The following TRIM14 variants were observed in gnomAD, a reference collection of about 807,000 sequenced individuals.
TRIM14 encodes tripartite motif-containing protein 14.
TRIM14 carries 28 observed loss-of-function variants against 44.5 expected under a neutral mutation model. The observed-to-expected ratio is 0.63, with a 90% CI of 0.47 to 0.86. The LOEUF is 0.86. Ranked by LOEUF, TRIM14 falls within the 40% of genes least tolerant of loss-of-function variation. The pLI, the probability that TRIM14 is intolerant of heterozygous loss-of-function variation, is 0.00. For synonymous variants in TRIM14, 299 were observed against 269.2 expected, an observed-to-expected ratio of 1.11 and a Z score of -1.08; for missense variants, 607 against 611.1, an observed-to-expected ratio of 0.99 and a Z score of 0.07.
chr9:98,056,709 G>T, the TRIM14 span: 14 of 1,471,276 alleles, frequency 9.5e-6, no homozygotes, highest in Non-Finnish European at 1.1e-5. Flanking sequence ...CGGGGCTGGC[G>T]TGTGGGTCTC....
chr9:98,041,495 CTT>C, the TRIM14 span, among the ~76,000 whole-genome samples: 3 of 145,316 alleles, frequency 2.1e-5, no homozygotes, highest in South Asian at 2.2e-4. Context: ...ATAAGGACAT[CTT>C]TTTTTTTTTT....
At chr9:98,058,779 T>C in the TRIM14 span, among the ~76,000 whole-genome samples, 1 of 152,158 alleles carries the variant, frequency 6.6e-6, no homozygotes, top group East Asian at 1.9e-4. Context: ...TGAGCTGGAA[T>C]CTAGGTGGCT....
At chr9:98,051,319 C>G in the TRIM14 span, among the ~76,000 whole-genome samples, 1 of 152,192 alleles carries the variant, frequency 6.6e-6, no homozygotes, top group Non-Finnish European at 1.5e-5. Context: ...AGTCTACTCG[C>G]TTAACTAAGC....
chr9:98,103,216 C>A (rs895223999), intron 2 of TRIM14, among the ~76,000 whole-genome samples: 35 of 150,166 alleles, frequency 2.3e-4, no homozygotes, highest in African/African-American at 8.1e-4. Context: ...AAAAACAATG[C>A]AGTAGACCTA....
downstream of TRIM14, chr9:98,080,926 C>T: frequency 2.5e-6 from 4 of 1,614,230 alleles, no homozygotes; most frequent in South Asian, 1.1e-5. Context: ...TGGAACGTCA[C>T]ATAACTTTGG....
intron 6 of TRIM14, among the ~76,000 whole-genome samples, chr9:98,079,295 A>T (rs1829739465): frequency 6.6e-6 from 1 of 152,212 alleles, no homozygotes; most frequent in African/African-American, 2.4e-5. Context: ...GAAAATATGT[A>T]TGTAATTATC....
chr9:98,117,598 T>C (rs927525263), intron 1 of TRIM14, among the ~76,000 whole-genome samples: 16 of 152,132 alleles, frequency 1.1e-4, no homozygotes, highest in African/African-American at 3.9e-4. Context: ...CCCGACTGCT[T>C]ATGTCATTTT....
Position 98,078,008 on chromosome 9 carries a change from C to A in TRIM14, c.*29-8321G>T, listed in dbSNP as rs111824516. On this transcript the variant is annotated intron_variant, in intron 6 of 6. Transcript: ENST00000375098. ...TGTCGGGGGGCAGAGGGGAGCCCAC[C>A]TTTCCTGTGGCCGAGGGCAGGAACC... 2.9e-3 allele frequency: 2,243 copies of A among 773,318 alleles called. 34 individuals carry two copies. The African/African-American group carries it at 0.034, about 12-fold the overall frequency. The allele number at this position is 773,318 out of a possible 1,614,324, so 47.9% of individuals were successfully genotyped here. A position where few individuals can be genotyped will look rare whatever the true frequency, so the allele number is the denominator to read the frequency against.
downstream of TRIM14, chr9:98,080,898 CT>C: frequency 6.2e-7 from 1 of 1,614,206 alleles, no homozygotes; most frequent in African/African-American, 1.3e-5. Flanking sequence ...GCCGCAGTGG[CT>C]CTGGGGGCCA....
intron 2 of TRIM14, among the ~76,000 whole-genome samples, chr9:98,105,504 A>G (rs1826575062): frequency 6.6e-6 from 1 of 152,206 alleles, no homozygotes; most frequent in African/African-American, 2.4e-5. Flanking sequence ...GCTTGAGCCC[A>G]GGAGGCGGAG....
chr9:98,110,439 G>A (rs972889131), intron 1 of TRIM14, among the ~76,000 whole-genome samples: 5 of 152,166 alleles, frequency 3.3e-5, no homozygotes, highest in African/African-American at 1.2e-4. Flanking sequence ...TACGTGAGAG[G>A]TCAGTGGGGT....
chr9:98,084,172 T>A (rs1185542748), downstream of TRIM14, among the ~76,000 whole-genome samples: 1 of 152,074 alleles, frequency 6.6e-6, no homozygotes, highest in Non-Finnish European at 1.5e-5. Flanking sequence ...CAGGACTGGA[T>A]GACTCCCATT....
downstream of TRIM14, chr9:98,083,127 G>A (rs574352317): frequency 1.4e-3 from 1,996 of 1,453,192 alleles, 28 homozygotes; most frequent in South Asian, 0.023. Context: ...TGAGGCGAGG[G>A]CAGGAATGGC....
chr9:98,105,197 G>A (rs1451362944), intron 2 of TRIM14, among the ~76,000 whole-genome samples: 1 of 152,228 alleles, frequency 6.6e-6, no homozygotes, highest in African/African-American at 2.4e-5. Flanking sequence ...GGGTCACAGA[G>A]AAAGGCATGG....
At chr9:98,081,134 T>C (rs1209344930), downstream of TRIM14, 2 of 1,604,118 alleles carry the variant, frequency 1.2e-6, no homozygotes, top group Non-Finnish European at 1.7e-6. Flanking sequence ...GGAAAAAGGA[T>C]AGGCTGGCCT....
intron 5 of TRIM14, among the ~76,000 whole-genome samples, chr9:98,089,279 C>A (rs1011504193): frequency 6.6e-6 from 1 of 151,998 alleles, no homozygotes; most frequent in Non-Finnish European, 1.5e-5. Context: ...TGGGTTCAAG[C>A]GATTCTCCTA....
At chr9:98,080,096 C>T (rs1829785811), downstream of TRIM14, among the ~76,000 whole-genome samples, 1 of 152,180 alleles carries the variant, frequency 6.6e-6, no homozygotes, top group African/African-American at 2.4e-5. Context: ...CACCCATAGT[C>T]CCAGCTGCTC....
chr9:98,067,460 T>C (rs1829182185), downstream of TRIM14, among the ~76,000 whole-genome samples: 1 of 152,192 alleles, frequency 6.6e-6, no homozygotes, highest in African/African-American at 2.4e-5. Flanking sequence ...TGGTGTCTCA[T>C]TGTGGTTGTG....
At chr9:98,110,848 AAAAATAAAATAAAATAAAAT>A (rs58660734) in intron 1 of TRIM14, among the ~76,000 whole-genome samples, 14 of 130,586 alleles carry the variant, frequency 1.1e-4, no homozygotes, top group East Asian at 6.5e-4. Flanking sequence ...CTCTACCACA[AAAAATAAAATAAAATAAAAT>A]AAAATAAAAT....
Sources: gnomAD v4.1 joint callset for allele counts (sites outside exome capture counted in the v4.1 genomes callset) on GRCh38, gnomAD v4.1.1 for gene constraint, MANE v1.5 for transcripts, NCBI Gene and HGNC (gene_info 2026-07-23, HGNC 2026-07-21) for gene names.